Variants in SNX29 observed in about 807,000 individuals in gnomAD.
SNX29 encodes the protein sorting nexin-29.
A neutral mutation model predicts 102.1 loss-of-function variants in SNX29; 78 were observed. That is an observed-to-expected ratio of 0.76 (90% confidence interval 0.64 to 0.92). SNX29 has a LOEUF of 0.92. Ranked by LOEUF, SNX29 falls within the 40% of genes least tolerant of loss-of-function variation. SNX29 has a pLI of 0.00. For synonymous variants in SNX29, 580 were observed against 414.5 expected (o/e 1.40, Z -4.85); for missense variants, 1,280 against 1,061.7 (o/e 1.21, Z -2.86).
rs879534554 is a variant in SNX29 at position 12,114,570 on chromosome 16, CT to C, written c.1403-12050del. On this transcript the variant is annotated intron_variant, in intron 11 of 20. Transcript: ENST00000566228. The stretch of plus-strand genomic sequence containing the variant: ...CAGTCCCGGTTCTGTATCGTCATTC[CT>C]TTTTTTTTTTTTAATTTTGTTTTTG... 4.9e-3 allele frequency among the ~76,000 whole-genome samples: 708 copies of C among 143,314 alleles called. 1 individual carries two copies. The highest frequency in any genetic ancestry group is 0.011 in the African/African-American group (437 of 39,360). The allele number at this position is 143,314 out of a possible 152,430, so 94.0% of individuals were successfully genotyped here. A position where few individuals can be genotyped will look rare whatever the true frequency, so the allele number is the denominator to read the frequency against.
intron 9 of SNX29, among the ~76,000 whole-genome samples, chr16:12,065,967 G>T (rs558662035): frequency 6.6e-6 from 1 of 152,198 alleles, no homozygotes; most frequent in African/African-American, 2.4e-5. Flanking sequence ...GGGCCTTAAG[G>T]ATGAGACGGT....
intron 11 of SNX29, among the ~76,000 whole-genome samples, chr16:12,080,584 T>C (rs2051817172): frequency 6.6e-6 from 1 of 152,226 alleles, no homozygotes; most frequent in African/African-American, 2.4e-5. Flanking sequence ...CTCACCATGC[T>C]GTCCAGGCTG....
At chr16:12,101,098 T>C (rs552683871) in intron 11 of SNX29, among the ~76,000 whole-genome samples, 24 of 152,274 alleles carry the variant, frequency 1.6e-4, no homozygotes, top group Middle Eastern at 3.4e-3. Context: ...GGAGGGACAC[T>C]CTTCTTCTAC....
chr16:12,501,724 CAAAAAAAAAAA>C (rs59431064), intron 19 of SNX29, among the ~76,000 whole-genome samples: 1,623 of 44,948 alleles, frequency 0.036, 71 homozygotes, highest in East Asian at 0.22. Flanking sequence ...GACACTGTCT[CAAAAAAAAAAA>C]AAAAAAAAAA....
At chr16:12,384,486 C>CACAGTG (rs2083281351) in intron 16 of SNX29, among the ~76,000 whole-genome samples, 1 of 152,206 alleles carries the variant, frequency 6.6e-6, no homozygotes, top group Non-Finnish European at 1.5e-5. Context: ...AGCACCTTTT[C>CACAGTG]ATAGACCTGT....
intron 20 of SNX29, among the ~76,000 whole-genome samples, chr16:12,562,868 C>G (rs182409265): frequency 4.6e-5 from 7 of 152,246 alleles, no homozygotes; most frequent in Middle Eastern, 3.4e-3. Flanking sequence ...CCGGTCTGTG[C>G]TTTGTCATTT....
chr16:12,432,401 C>T (rs2085349993), intron 18 of SNX29, among the ~76,000 whole-genome samples: 1 of 152,196 alleles, frequency 6.6e-6, no homozygotes, highest in Non-Finnish European at 1.5e-5. Flanking sequence ...GGGCACACAC[C>T]AGGACTGTAG....
intron 20 of SNX29, among the ~76,000 whole-genome samples, chr16:12,551,421 C>G (rs1028892782): frequency 6.6e-6 from 1 of 152,204 alleles, no homozygotes; most frequent in African/African-American, 2.4e-5. Context: ...TCAGCCACAG[C>G]TTGCACATTC....
intron 18 of SNX29, among the ~76,000 whole-genome samples, chr16:12,414,026 A>G (rs1327927239): frequency 2.0e-5 from 3 of 152,222 alleles, no homozygotes; most frequent in Non-Finnish European, 2.9e-5. Flanking sequence ...TCTCTAGATT[A>G]CTTACAATAC....
chr16:12,240,512 G>A (rs1395733377), intron 14 of SNX29, among the ~76,000 whole-genome samples: 1 of 143,456 alleles, frequency 7.0e-6, no homozygotes, highest in Non-Finnish European at 1.5e-5. Context: ...TTTTCTGTCG[G>A]TTTTTGTTTC....
At chr16:12,555,031 G>C (rs988650404) in intron 20 of SNX29, among the ~76,000 whole-genome samples, 1 of 151,988 alleles carries the variant, frequency 6.6e-6, no homozygotes, top group South Asian at 2.1e-4. Flanking sequence ...TGCCTGCCTG[G>C]TGCCACCGAG....
At chr16:12,144,122 G>C (rs1411801484) in intron 13 of SNX29, among the ~76,000 whole-genome samples, 1 of 152,132 alleles carries the variant, frequency 6.6e-6, no homozygotes, top group African/African-American at 2.4e-5. Flanking sequence ...CTGGTTCCTA[G>C]ACCACACATT....
At chr16:12,477,622 C>G (rs2087715854) in intron 18 of SNX29, 97 bp from the exon 19 acceptor site, 1 of 1,430,622 alleles carries the variant, frequency 7.0e-7, no homozygotes, top group African/African-American at 1.4e-5. Flanking sequence ...AGATGTGACT[C>G]TTGCTGCAGT....
chr16:12,562,253 C>G (rs1033619242), intron 20 of SNX29, among the ~76,000 whole-genome samples: 4 of 152,144 alleles, frequency 2.6e-5, no homozygotes, highest in South Asian at 2.1e-4. Flanking sequence ...AGGGCATTCA[C>G]TAAGCAGCAT....
intron 18 of SNX29, among the ~76,000 whole-genome samples, chr16:12,414,162 G>T (rs1158381567): frequency 6.6e-6 from 1 of 152,176 alleles, no homozygotes; most frequent in Admixed American, 6.5e-5. Context: ...TCTGTGGTCG[G>T]TTGAATCTGT....
chr16:12,510,572 T>C (rs140450106), intron 19 of SNX29, among the ~76,000 whole-genome samples: 2,781 of 151,756 alleles, frequency 0.018, 83 homozygotes, highest in African/African-American at 0.062. Context: ...ACTTGGGAGG[T>C]TGAGGCAGGA....
chr16:12,228,705 C>T (rs995995162), intron 14 of SNX29, among the ~76,000 whole-genome samples: 3 of 152,242 alleles, frequency 2.0e-5, no homozygotes, highest in African/African-American at 7.2e-5. Flanking sequence ...GCCTGTATCA[C>T]CTCATTTCAG....
chr16:12,460,609 T>G lies in SNX29; in HGVS notation c.2038-17110T>G, dbSNP rs185187264. 6.6e-5 allele frequency among the ~76,000 whole-genome samples: 10 copies of G among 151,772 alleles called. No homozygotes were observed. In the East Asian group the frequency reaches 1.9e-3, roughly 29 times the overall value. On this transcript the variant is annotated intron_variant, in intron 18 of 20. Coordinates refer to ENST00000566228, the MANE Select transcript of SNX29 (RefSeq NM_032167.5). ...CCCTATGCCATAACACTTATTCCAC[T>G]GGACTATAACTTTTTGGCTGGCTGG...
At chr16:12,136,149 T>C (rs577008681) in intron 13 of SNX29, among the ~76,000 whole-genome samples, 1 of 152,358 alleles carries the variant, frequency 6.6e-6, no homozygotes, top group South Asian at 2.1e-4. Context: ...CACATGAACA[T>C]GTTGTCAGTG....
Sources: gnomAD v4.1 joint callset for allele counts (sites outside exome capture counted in the v4.1 genomes callset) on GRCh38, gnomAD v4.1.1 for gene constraint, MANE v1.5 for transcripts, NCBI Gene and HGNC (gene_info 2026-07-23, HGNC 2026-07-21) for gene names.